The following EPM2A variants were observed in gnomAD, a reference collection of about 807,000 sequenced individuals.
The protein encoded by EPM2A is EPM2A glucan phosphatase, laforin, also known as laforin.
EPM2A carries 21 observed loss-of-function variants against 26.5 expected under a neutral mutation model. The observed-to-expected ratio is 0.79, with a 90% CI of 0.56 to 1.14. The LOEUF (loss-of-function observed/expected upper bound fraction) is 1.14. Ranked by LOEUF, EPM2A falls within the 50% of genes most tolerant of loss-of-function variation. The pLI is 0.00. For synonymous variants in EPM2A, 217 were observed against 177.6 expected, an observed-to-expected ratio of 1.22 and a Z score of -1.76; for missense variants, 458 against 440.8, an observed-to-expected ratio of 1.04 and a Z score of -0.35.
intron 1 of EPM2A, among the ~76,000 whole-genome samples, chr6:145,694,294 A>C (rs2128620602): frequency 6.6e-6 from 1 of 152,118 alleles, no homozygotes; most frequent in African/African-American, 2.4e-5. Flanking sequence ...CTACCTCGGA[A>C]GCTATTATTG....
At chr6:145,405,048 A>G (rs1397863090) in intron 4 of EPM2A, among the ~76,000 whole-genome samples, 1 of 152,170 alleles carries the variant, frequency 6.6e-6, no homozygotes, top group Non-Finnish European at 1.5e-5. Context: ...TATGACATTA[A>G]TGGGCACCAT....
intron 2 of EPM2A, among the ~76,000 whole-genome samples, chr6:145,532,735 C>G (rs1043041466): frequency 6.6e-6 from 1 of 152,042 alleles, no homozygotes; most frequent in Non-Finnish European, 1.5e-5. Flanking sequence ...TGGGACAGAC[C>G]CCCGTACTCC....
intron 4 of EPM2A, among the ~76,000 whole-genome samples, chr6:145,446,798 T>C (rs1285422971): frequency 6.6e-6 from 1 of 152,112 alleles, no homozygotes; most frequent in African/African-American, 2.4e-5. Context: ...TGCCTCAAGG[T>C]AGAAATTGTA....
At chr6:145,536,702 G>A (rs1044612740) in intron 2 of EPM2A, among the ~76,000 whole-genome samples, 1 of 152,174 alleles carries the variant, frequency 6.6e-6, no homozygotes, top group African/African-American at 2.4e-5. Context: ...GCTCTCCCCT[G>A]AGAGTGGGCA....
intron 4 of EPM2A, among the ~76,000 whole-genome samples, chr6:145,442,615 A>C (rs1167094531): frequency 6.6e-6 from 1 of 152,192 alleles, no homozygotes; most frequent in African/African-American, 2.4e-5. Context: ...CAAGGGAATT[A>C]TGGGAGCTAC....
intron 1 of EPM2A, among the ~76,000 whole-genome samples, chr6:145,715,107 A>G (rs1280195402): frequency 6.6e-6 from 1 of 151,294 alleles, no homozygotes; most frequent in Non-Finnish European, 1.5e-5. Flanking sequence ...TTTGTTGTCA[A>G]GCATTTGTAT....
intron 4 of EPM2A, among the ~76,000 whole-genome samples, chr6:145,384,750 G>C (rs913633261): frequency 6.8e-6 from 1 of 147,646 alleles, no homozygotes; most frequent in African/African-American, 2.5e-5. Flanking sequence ...GAATATGCAT[G>C]TGGATATGCA....
intron 2 of EPM2A, among the ~76,000 whole-genome samples, chr6:145,539,203 A>G (rs960733844): frequency 2.6e-5 from 4 of 152,234 alleles, no homozygotes; most frequent in African/African-American, 9.6e-5. Flanking sequence ...CAAAACTGTC[A>G]CTAAGGATAC....
At chr6:145,675,959 C>T (rs146878526) in intron 2 of EPM2A, among the ~76,000 whole-genome samples, 1 of 152,116 alleles carries the variant, frequency 6.6e-6, no homozygotes, top group African/African-American at 2.4e-5. Context: ...AACTTTTCAC[C>T]CAAAATCAAC....
At chr6:145,436,234 A>G (rs1231211387) in intron 4 of EPM2A, among the ~76,000 whole-genome samples, 2 of 152,164 alleles carry the variant, frequency 1.3e-5, no homozygotes, top group Non-Finnish European at 2.9e-5. Flanking sequence ...CATATTGTTT[A>G]TTCAGTAATC....
At chr6:145,398,297 C>T (rs1200790354) in intron 4 of EPM2A, among the ~76,000 whole-genome samples, 4 of 152,114 alleles carry the variant, frequency 2.6e-5, no homozygotes, top group Non-Finnish European at 5.9e-5. Flanking sequence ...CAAAGACAAT[C>T]CCAAAAGCTT....
intron 4 of EPM2A, among the ~76,000 whole-genome samples, chr6:145,482,251 G>T (rs1404019122): frequency 6.6e-6 from 1 of 152,124 alleles, no homozygotes; most frequent in African/African-American, 2.4e-5. Context: ...TTAACAGAAT[G>T]CCACTCAGCA....
chr6:145,541,812 C>T (rs552346632), intron 2 of EPM2A, among the ~76,000 whole-genome samples: 3 of 152,054 alleles, frequency 2.0e-5, no homozygotes, highest in South Asian at 2.1e-4. Flanking sequence ...CACAGGAATC[C>T]GCCCAAATGA....
intron 2 of EPM2A, among the ~76,000 whole-genome samples, chr6:145,680,339 C>CT (rs11404126): frequency 0.56 from 82,429 of 146,390 alleles, 23,554 homozygotes; most frequent in East Asian, 0.74. Context: ...GTGCTAATTT[C>CT]TTTTTTTTTT....
In EPM2A at chr6:145,485,354, C is replaced by T. The variant is rs554721994; in HGVS notation, c.555+17168G>A. 3.9e-5 allele frequency among the ~76,000 whole-genome samples: 6 copies of T among 152,106 alleles called. No individual in the cohort carries two copies. The South Asian group carries it at 6.2e-4, about 16-fold the overall frequency. ...TGTTCTGATAACTATAAACCAGATT[C>T]GGGCTCCATGAGATCACTAGTGAAG... On this transcript the variant is annotated intron_variant, in intron 4 of 4. Coordinates refer to the EPM2A transcript ENST00000638717.
Position 145,489,989 on chromosome 6 carries a change from T to G in EPM2A, c.555+12533A>C, listed in dbSNP as rs529515699. ...GTGTGAACAAAGTACCTGGCTGTCC[T>G]GGAGCAGATCTGGATGGACGTGTTC... On this transcript the variant is annotated intron_variant, in intron 4 of 4. Transcript: ENST00000638717. 493 of 1,381,416 alleles carry G rather than the reference T, an allele frequency of 3.6e-4. 4 individuals carry two copies. In the South Asian group the frequency reaches 5.9e-3, roughly 17 times the overall value. The allele number at this position is 1,381,416 out of a possible 1,614,324, so 85.6% of individuals were successfully genotyped here. A position where few individuals can be genotyped will look rare whatever the true frequency, so the allele number is the denominator to read the frequency against.
chr6:145,662,615 A>C (rs1432312334), intron 2 of EPM2A, among the ~76,000 whole-genome samples: 1 of 152,172 alleles, frequency 6.6e-6, no homozygotes, highest in Non-Finnish European at 1.5e-5. Context: ...ACAGTCAAGG[A>C]GCAAGGTGGG....
intron 4 of EPM2A, among the ~76,000 whole-genome samples, chr6:145,408,904 C>T (rs2114673281): frequency 6.6e-6 from 1 of 152,208 alleles, no homozygotes; most frequent in Non-Finnish European, 1.5e-5. Context: ...ACCCTCATGA[C>T]CCAATCATCT....
rs563014213 is a variant in EPM2A, at chr6:145,643,109, A to C, written c.477-7623T>G. Among the ~76,000 whole-genome samples, 3 of 152,322 alleles carry C rather than the reference A, an allele frequency of 2.0e-5. No individual in the cohort carries two copies. The East Asian group carries it at 5.8e-4, about 29-fold the overall frequency. On this transcript the variant is annotated intron_variant, in intron 2 of 3. Coordinates refer to ENST00000367519, the MANE Select transcript of EPM2A (RefSeq NM_005670.4). ...GTTCAAGATGTACTTTAGCAGTAGA[A>C]CCAACAGAACTTGCACATTAATTGG... is the stretch of plus-strand genomic sequence containing the variant.
Sources: allele counts gnomAD v4.1 joint callset (sites outside exome capture counted in the v4.1 genomes callset), GRCh38; gene constraint gnomAD v4.1.1; transcripts MANE v1.5; gene names NCBI Gene and HGNC (gene_info 2026-07-23, HGNC 2026-07-21).